Variants in NKD1 observed in about 807,000 individuals in gnomAD.
NKD1 encodes protein naked cuticle homolog 1.
Under a neutral mutation model 56.0 loss-of-function variants are expected in NKD1, and 21 were observed. The ratio of observed to expected loss-of-function variants is 0.38; its 90% CI spans 0.27 to 0.54. NKD1 has a LOEUF of 0.54. Among genes scored for constraint, NKD1 ranks in the 20% least tolerant of loss-of-function variants. NKD1 has a pLI of 0.82. For synonymous variants in NKD1, 263 were observed against 265.7 expected, an observed-to-expected ratio of 0.99 and a Z score of 0.10; for missense variants, 578 against 642.7, an observed-to-expected ratio of 0.90 and a Z score of 1.09.
In NKD1 at chr16:50,610,774, G is replaced by A. The variant is rs535965839; in HGVS notation, c.259+2414G>A. Among the ~76,000 whole-genome samples the A allele has an allele frequency of 7.2e-5, 11 of 152,322 alleles. No individual in the cohort carries two copies. In the South Asian group the frequency reaches 1.4e-3, roughly 20 times the overall value. On this transcript the variant is annotated intron_variant, in intron 4 of 9. Transcript: ENST00000268459. Reference sequence around the variant, plus strand: ...CCGGCCCTAATCCAGCATCTTAACCGCCTTAACTGGCCAGCTGGGAGCGGG... The same window carrying A: ...CCGGCCCTAATCCAGCATCTTAACCACCTTAACTGGCCAGCTGGGAGCGGG...
rs1962507052 is a variant in NKD1, at chr16:50,638,089, A to G, written c.*4308A>G. 6.6e-6 allele frequency: 1 copy of G among 152,158 alleles called. No homozygotes were observed. Among genetic ancestry groups the G allele is most frequent in the Non-Finnish European group, 1.5e-5 (1 of 68,020 alleles). The allele number at this position is 152,158 out of a possible 1,614,324, so 9.4% of individuals were successfully genotyped here. A position where few individuals can be genotyped will look rare whatever the true frequency, so the allele number is the denominator to read the frequency against. On this transcript the variant is annotated 3_prime_UTR_variant, in exon 10 of 10. Transcript: ENST00000268459. Reference sequence around the variant, plus strand: ...CGTTTTCTCAGTGTTTAGACCTCGAATTATTACTGGGCTAGAGGGAAGGCA... The same window carrying G: ...CGTTTTCTCAGTGTTTAGACCTCGAGTTATTACTGGGCTAGAGGGAAGGCA...
chr16:50,636,142 G>A lies in NKD1; in HGVS notation c.*2361G>A, dbSNP rs1291050206. 6.6e-6 allele frequency: 1 copy of A among 152,294 alleles called. No homozygotes were observed. Among genetic ancestry groups the A allele is most frequent in the Non-Finnish European group, 1.5e-5 (1 of 68,114 alleles). 9.4% of individuals were successfully genotyped at this position (152,294 alleles called of 1,614,324 possible). A position where few individuals can be genotyped will look rare whatever the true frequency, so the allele number is the denominator to read the frequency against. ...CTGGACCAATCATGACATCCCAGAT[G>A]GGGTCACGTGGCCAACCTGCCGCAA... On this transcript the variant is annotated 3_prime_UTR_variant, in exon 10 of 10. Coordinates refer to ENST00000268459, the MANE Select transcript of NKD1 (RefSeq NM_033119.5).
At chr16:50,592,984 C>T (rs752158870) in intron 3 of NKD1, among the ~76,000 whole-genome samples, 1 of 152,118 alleles carries the variant, frequency 6.6e-6, no homozygotes, top group Non-Finnish European at 1.5e-5. Flanking sequence ...TATGGGCAGT[C>T]CAGGTATAAG....
intron 3 of NKD1, among the ~76,000 whole-genome samples, chr16:50,597,957 C>T (rs920918352): frequency 3.3e-5 from 5 of 152,112 alleles, no homozygotes; most frequent in African/African-American, 4.8e-5. Context: ...ACAGTGGCTC[C>T]GGAGGAGGCA....
In NKD1 at chr16:50,645,940, T is replaced by C. The variant is rs576635061; in HGVS notation, c.*12159T>C. The C allele has an allele frequency of 2.0e-4, 30 of 152,336 alleles. No homozygotes were observed. Among genetic ancestry groups the C allele is most frequent in the African/African-American group, 7.0e-4 (29 of 41,566 alleles). 9.4% of individuals were successfully genotyped at this position (152,336 alleles called of 1,614,324 possible). A position where few individuals can be genotyped will look rare whatever the true frequency, so the allele number is the denominator to read the frequency against. On this transcript the variant is annotated 3_prime_UTR_variant, in exon 10 of 10. Transcript: ENST00000268459. ...AGGCAGAAAGGGAAGGGCTGACTTA[T>C]GTCCCTCTGCCAGGAGAGGGGAAAG...
chr16:50,584,593 G>T (rs573362809), intron 3 of NKD1, among the ~76,000 whole-genome samples: 5 of 152,344 alleles, frequency 3.3e-5, no homozygotes, highest in Admixed American at 2.0e-4. Flanking sequence ...AAGGGATGTT[G>T]CAAGGGTTTG....
intron 3 of NKD1, among the ~76,000 whole-genome samples, chr16:50,591,008 A>T (rs909627774): frequency 6.6e-6 from 1 of 151,666 alleles, no homozygotes; most frequent in Non-Finnish European, 1.5e-5. Context: ...TTTTCAGTAG[A>T]GACGGAGTTT....
At position 50,640,362 on chromosome 16, in the gene NKD1, G is replaced by A. The variant is rs1962557092; in HGVS notation, c.*6581G>A. ...TATTTCTGATTGCAAAATTCTGGAT[G>A]GGTTCATCCAAGCTGACCTTTGCTG... On this transcript the variant is annotated 3_prime_UTR_variant, in exon 10 of 10. Transcript: ENST00000268459. 6.6e-6 allele frequency: 1 copy of A among 152,220 alleles called. No homozygotes were observed. Among genetic ancestry groups the A allele is most frequent in the Admixed American group, 6.5e-5 (1 of 15,280 alleles). 9.4% of individuals were successfully genotyped at this position (152,220 alleles called of 1,614,324 possible).
intron 3 of NKD1, among the ~76,000 whole-genome samples, chr16:50,560,898 T>C (rs1280809914): frequency 6.6e-6 from 1 of 151,788 alleles, no homozygotes; most frequent in Non-Finnish European, 1.5e-5. Flanking sequence ...TAATTCTTAC[T>C]ATAGGTCATA....
intron 3 of NKD1, among the ~76,000 whole-genome samples, chr16:50,587,105 C>T (rs575567277): frequency 3.9e-5 from 6 of 152,292 alleles, no homozygotes; most frequent in South Asian, 2.1e-4. Flanking sequence ...GGGCTTGGTA[C>T]GTGCTAGGTA....
In NKD1 at chr16:50,569,017, C is replaced by T. The variant is rs1309060398; in HGVS notation, c.192+19462C>T. ...CTCCTTCTCTTCCCCACCTTCCCTT[C>T]ATTATTTAGAATGTGAGGGAGAGTT... On this transcript the variant is annotated intron_variant, in intron 3 of 9. Coordinates refer to ENST00000268459, the MANE Select transcript of NKD1 (RefSeq NM_033119.5). 3.3e-5 allele frequency among the ~76,000 whole-genome samples: 5 copies of T among 152,186 alleles called. No homozygotes were observed. In the East Asian group the frequency reaches 9.6e-4, roughly 29 times the overall value.
At chr16:50,563,836 A>G (rs1243983535) in intron 3 of NKD1, among the ~76,000 whole-genome samples, 2 of 146,558 alleles carry the variant, frequency 1.4e-5, no homozygotes, top group African/African-American at 5.1e-5. Context: ...CTCAGTGGGC[A>G]CAGCCCTGGA....
intron 3 of NKD1, among the ~76,000 whole-genome samples, chr16:50,601,645 C>T (rs570002702): frequency 3.9e-4 from 59 of 152,172 alleles, no homozygotes; most frequent in Non-Finnish European, 7.1e-4. Flanking sequence ...AGCTCGTCCC[C>T]GTCAGCTCCC....
rs1030410459 is a variant in NKD1 at position 50,640,740 on chromosome 16, C to G, written c.*6959C>G. 1 of 152,062 alleles carries G rather than the reference C, an allele frequency of 6.6e-6. No individual in the cohort carries two copies. The highest frequency in any genetic ancestry group is 1.5e-5 in the Non-Finnish European group (1 of 68,032). 9.4% of individuals were successfully genotyped at this position (152,062 alleles called of 1,614,324 possible). Reference sequence around the variant, plus strand: ...TTCAAATAAAAGTCTGGGAAAGCAACACATCATCGCCAACTTTTAATTTTG... The same window carrying G: ...TTCAAATAAAAGTCTGGGAAAGCAAGACATCATCGCCAACTTTTAATTTTG... On this transcript the variant is annotated 3_prime_UTR_variant, in exon 10 of 10. Transcript: ENST00000268459.
At chr16:50,615,026 G>C (rs2151277254) in intron 4 of NKD1, among the ~76,000 whole-genome samples, 1 of 152,274 alleles carries the variant, frequency 6.6e-6, no homozygotes, top group Middle Eastern at 3.4e-3. Flanking sequence ...ACTGAGTGCA[G>C]TGTGACCCTG....
intron 4 of NKD1, among the ~76,000 whole-genome samples, chr16:50,617,650 T>C (rs1961992538): frequency 6.6e-6 from 1 of 152,130 alleles, no homozygotes; most frequent in African/African-American, 2.4e-5. Context: ...GGGAGCAGTT[T>C]CCAAAGAGAG....
At chr16:50,626,828 G>A (rs1002922746) in intron 6 of NKD1, among the ~76,000 whole-genome samples, 7 of 152,160 alleles carry the variant, frequency 4.6e-5, no homozygotes, top group African/African-American at 1.4e-4. Flanking sequence ...GCACCTGCGC[G>A]GCGGTCGCAG....
Position 50,599,272 on chromosome 16 carries a change from C to T in NKD1, c.193-9022C>T, listed in dbSNP as rs113329273. ...TTGGGACACGCTATTTGAGCCAGGCCACTCACCAAGCACTGTACACATACT... is the reference window on the plus strand; with the variant it reads ...TTGGGACACGCTATTTGAGCCAGGCTACTCACCAAGCACTGTACACATACT... On this transcript the variant is annotated intron_variant, in intron 3 of 9. Coordinates refer to ENST00000268459, the MANE Select transcript of NKD1 (RefSeq NM_033119.5). Among the ~76,000 whole-genome samples, 513 of 152,258 alleles carry T rather than the reference C, an allele frequency of 3.4e-3. 6 individuals carry two copies. Among genetic ancestry groups the T allele is most frequent in the African/African-American group, 0.011 (462 of 41,526 alleles).
chr16:50,590,229 C>T (rs1961334923), intron 3 of NKD1, among the ~76,000 whole-genome samples: 1 of 152,136 alleles, frequency 6.6e-6, no homozygotes, highest in Admixed American at 6.5e-5. Flanking sequence ...CCAACCTTTT[C>T]CAGAACTCTT....
Sources: gnomAD v4.1 joint callset for allele counts (sites outside exome capture counted in the v4.1 genomes callset) on GRCh38, gnomAD v4.1.1 for gene constraint, MANE v1.5 for transcripts, NCBI Gene and HGNC (gene_info 2026-07-23, HGNC 2026-07-21) for gene names.